The following NTM variants were observed in gnomAD, a reference collection of about 807,000 sequenced individuals.
NTM encodes the protein IgLON family member 2.
Under a neutral mutation model 42.1 loss-of-function variants are expected in NTM, and 13 were observed. The observed-to-expected ratio is 0.31, with a 90% CI of 0.20 to 0.49. The LOEUF (loss-of-function observed/expected upper bound fraction) is 0.49, where lower values mean the gene tolerates loss of function less well. Ranked by LOEUF, NTM falls within the 20% of genes least tolerant of loss-of-function variation. NTM has a pLI of 0.99. For synonymous variants in NTM, 187 were observed against 179.2 expected, an observed-to-expected ratio of 1.04 and a Z score of -0.35; for missense variants, 373 against 452.8, an observed-to-expected ratio of 0.82 and a Z score of 1.60.
chr11:131,709,931 T>C (rs960988387), intron 1 of NTM, among the ~76,000 whole-genome samples: 2 of 152,086 alleles, frequency 1.3e-5, no homozygotes, highest in South Asian at 2.1e-4. Context: ...GAGAGTGTGC[T>C]ATCCTGGAAG....
intron 1 of NTM, among the ~76,000 whole-genome samples, chr11:131,739,811 G>A (rs11222761): frequency 1.3e-5 from 2 of 152,080 alleles, no homozygotes; most frequent in Admixed American, 6.5e-5. Flanking sequence ...GAAGTGCTGC[G>A]TTCTCTTCGC....
chr11:131,597,393 C>G (rs180971802), intron 1 of NTM, among the ~76,000 whole-genome samples: 1 of 152,124 alleles, frequency 6.6e-6, no homozygotes, highest in Admixed American at 6.6e-5. Context: ...CTTTCCCCAC[C>G]ACTTTGGCGG....
intron 2 of NTM, among the ~76,000 whole-genome samples, chr11:132,069,820 A>C (rs942154272): frequency 1.3e-5 from 2 of 149,920 alleles, no homozygotes; most frequent in African/African-American, 5.0e-5. Context: ...AAAACACATC[A>C]AACTGACCAT....
At chr11:132,144,691 C>T (rs2069958382) in intron 2 of NTM, among the ~76,000 whole-genome samples, 1 of 152,158 alleles carries the variant, frequency 6.6e-6, no homozygotes, top group Admixed American at 6.5e-5. Context: ...AGTCCATGAG[C>T]ACTTTGAAAG....
At chr11:131,385,600 C>G (rs1943220325) in intron 1 of NTM, among the ~76,000 whole-genome samples, 1 of 152,126 alleles carries the variant, frequency 6.6e-6, no homozygotes, top group Admixed American at 6.5e-5. Context: ...TGCCTATAGT[C>G]CTAGCACTCT....
intron 1 of NTM, among the ~76,000 whole-genome samples, chr11:131,581,148 A>G (rs2058372046): frequency 6.6e-6 from 1 of 152,234 alleles, no homozygotes; most frequent in African/African-American, 2.4e-5. Context: ...GCTTCTCCTT[A>G]CAACTCAGAG....
At chr11:131,720,175 C>T (rs1397195931) in intron 1 of NTM, among the ~76,000 whole-genome samples, 1 of 152,190 alleles carries the variant, frequency 6.6e-6, no homozygotes, top group Admixed American at 6.5e-5. Flanking sequence ...TACATTGTGC[C>T]AGGTAGTGTG....
chr11:131,617,656 A>C (rs2062077315), intron 1 of NTM, among the ~76,000 whole-genome samples: 1 of 152,178 alleles, frequency 6.6e-6, no homozygotes, highest in African/African-American at 2.4e-5. Flanking sequence ...TGTTGTTCTG[A>C]GCTGAAAGAT....
At position 131,653,001 on chromosome 11, in the gene NTM, C is replaced by G. The variant is rs149470805; in HGVS notation, c.83-258563C>G. Among the ~76,000 whole-genome samples the G allele has an allele frequency of 3.3e-3, 498 of 152,290 alleles. 4 individuals are homozygous for G. The highest frequency in any genetic ancestry group is 0.011 in the African/African-American group (474 of 41,554). ...CAGTCTCCAAAACATCTCCATAAAA[C>G]CCACCGATCACAGACTGTAGCATGA... On this transcript the variant is annotated intron_variant, in intron 1 of 8. Coordinates refer to ENST00000683400, the MANE Select transcript of NTM (RefSeq NM_001352005.2).
chr11:131,686,768 A>T (rs1251826572), intron 1 of NTM, among the ~76,000 whole-genome samples: 21 of 152,236 alleles, frequency 1.4e-4, no homozygotes, highest in Non-Finnish European at 1.5e-5. Flanking sequence ...CGAGAGGCAC[A>T]GATCGGAATG....
At chr11:132,191,026 G>A (rs899859205) in intron 3 of NTM, among the ~76,000 whole-genome samples, 7 of 152,222 alleles carry the variant, frequency 4.6e-5, no homozygotes, top group African/African-American at 1.7e-4. Context: ...AGTAAAAACA[G>A]GAAGACCACA....
At chr11:131,538,956 A>G (rs1237791071) in intron 1 of NTM, 1 of 103,196 alleles carries the variant, frequency 9.7e-6, no homozygotes, top group Non-Finnish European at 2.2e-5. Context: ...TTTTTGAGAA[A>G]AGGTCTTGCT....
intron 1 of NTM, among the ~76,000 whole-genome samples, chr11:131,545,743 G>T (rs996321631): frequency 6.6e-6 from 1 of 152,210 alleles, no homozygotes; most frequent in Admixed American, 6.5e-5. Flanking sequence ...ACTTCCTAAA[G>T]CAAGTGACCT....
chr11:131,495,751 G>A (rs946500976), intron 1 of NTM, among the ~76,000 whole-genome samples: 7 of 152,194 alleles, frequency 4.6e-5, no homozygotes, highest in African/African-American at 1.7e-4. Context: ...GAGGGGGATT[G>A]GGCCCTCCTT....
In NTM at chr11:131,589,758, G is replaced by A. The variant is rs78032940; in HGVS notation, c.82+218870G>A. On this transcript the variant is annotated intron_variant, in intron 1 of 8. Transcript: ENST00000683400. ...CACATGTGACACCAGGTCACTGCCT[G>A]GCCTCACTGCTGAGGAGATGAAAGC... Among the ~76,000 whole-genome samples, 604 of 152,190 alleles carry A rather than the reference G, an allele frequency of 4.0e-3. 3 individuals are homozygous for A. Among genetic ancestry groups the A allele is most frequent in the African/African-American group, 0.013 (554 of 41,510 alleles).
intron 3 of NTM, among the ~76,000 whole-genome samples, chr11:132,197,699 G>A (rs1174733389): frequency 2.2e-5 from 3 of 134,722 alleles, no homozygotes; most frequent in Non-Finnish European, 4.6e-5. Flanking sequence ...CTTCCTGTGT[G>A]CAAGTGTTCT....
chr11:131,789,336 A>G (rs900739222), intron 1 of NTM, among the ~76,000 whole-genome samples: 1 of 135,228 alleles, frequency 7.4e-6, no homozygotes, highest in African/African-American at 3.1e-5. Flanking sequence ...TGAAGATGAC[A>G]AAGTGAATTT....
intron 1 of NTM, among the ~76,000 whole-genome samples, chr11:131,542,528 A>G (rs1393143032): frequency 6.6e-6 from 1 of 152,142 alleles, no homozygotes; most frequent in Admixed American, 6.5e-5. Context: ...TTCTTCTATG[A>G]ACTTCTGTGA....
At chr11:131,568,089 C>T (rs374046412) in intron 1 of NTM, among the ~76,000 whole-genome samples, 8 of 152,250 alleles carry the variant, frequency 5.3e-5, no homozygotes, top group South Asian at 2.1e-4. Flanking sequence ...TCTCGACAGC[C>T]GAAGGAGGAA....
Sources: allele counts gnomAD v4.1 joint callset (sites outside exome capture counted in the v4.1 genomes callset), GRCh38; gene constraint gnomAD v4.1.1; transcripts MANE v1.5; gene names NCBI Gene and HGNC (gene_info 2026-07-23, HGNC 2026-07-21).